The following R3HDM1 variants were observed in gnomAD, a reference collection of about 807,000 sequenced individuals.
R3HDM1 encodes R3H domain-containing protein 1.
R3HDM1 carries 46 observed loss-of-function variants against 141.1 expected under a neutral mutation model. The observed-to-expected ratio is 0.33, with a 90% CI of 0.26 to 0.42. The LOEUF (loss-of-function observed/expected upper bound fraction) is 0.42. Among genes scored for constraint, R3HDM1 ranks in the 10% least tolerant of loss-of-function variants. R3HDM1 has a pLI of 1.00. For synonymous variants in R3HDM1, 435 were observed against 472.9 expected (o/e 0.92, Z 1.04); for missense variants, 1,184 against 1,368.3 (o/e 0.87, Z 2.12).
chr2:135,656,927 C>G (rs1174542336), intron 18 of R3HDM1, among the ~76,000 whole-genome samples: 1 of 151,240 alleles, frequency 6.6e-6, no homozygotes, highest in Non-Finnish European at 1.5e-5. Flanking sequence ...AACCCCATCT[C>G]TACTAAAAAT....
chr2:135,577,124 G>A, intron 1 of R3HDM1: 4 of 967,158 alleles, frequency 4.1e-6, no homozygotes, highest in Non-Finnish European at 4.9e-6. Flanking sequence ...GAAAACCCAT[G>A]TTTTCTTATT....
intron 1 of R3HDM1, among the ~76,000 whole-genome samples, chr2:135,538,967 G>A (rs926884672): frequency 2.6e-5 from 4 of 151,938 alleles, no homozygotes; most frequent in Admixed American, 1.3e-4. Flanking sequence ...AAAATTTTTT[G>A]TTAAAAACCA....
chr2:135,547,124 A>G (rs185556696), intron 1 of R3HDM1, among the ~76,000 whole-genome samples: 1 of 152,340 alleles, frequency 6.6e-6, no homozygotes, highest in African/African-American at 2.4e-5. Context: ...ATTGTTCAGT[A>G]TGCTTGACAA....
Position 135,722,364 on chromosome 2 carries a change from G to A in R3HDM1, c.2965-105G>A, listed in dbSNP as rs894744707. On this transcript the variant is annotated intron_variant, in intron 25 of 26. Coordinates refer to ENST00000683871, the MANE Select transcript of R3HDM1 (RefSeq NM_001378107.1). ...CTGGGACTGATTTTCTTCTGCCAGA[G>A]TGCAAAACCCAAACTAAAGGTGTTT... 5.8e-6 allele frequency: 7 copies of A among 1,202,340 alleles called. No homozygotes were observed. The African/African-American group carries it at 9.1e-5, about 16-fold the overall frequency. 74.5% of individuals were successfully genotyped at this position (1,202,340 alleles called of 1,614,324 possible).
chr2:135,651,656 A>G, intron 17 of R3HDM1, 74 bp from the exon 18 acceptor site: 1 of 1,492,226 alleles, frequency 6.7e-7, no homozygotes. Flanking sequence ...ATTTAAAAAT[A>G]GGAAGTATTT....
intron 1 of R3HDM1, among the ~76,000 whole-genome samples, chr2:135,554,587 A>G (rs2104938520): frequency 6.6e-6 from 1 of 152,322 alleles, no homozygotes; most frequent in Middle Eastern, 3.4e-3. Flanking sequence ...ACTGCCAAAC[A>G]GTTTTCTAAG....
At chr2:135,682,166 A>G (rs1251355944) in intron 21 of R3HDM1, among the ~76,000 whole-genome samples, 1 of 151,210 alleles carries the variant, frequency 6.6e-6, no homozygotes, top group Non-Finnish European at 1.5e-5. Flanking sequence ...TGATTTATCT[A>G]CTTTTTGAAC....
intron 3 of R3HDM1, among the ~76,000 whole-genome samples, chr2:135,610,793 A>G (rs1423318384): frequency 1.3e-5 from 2 of 152,082 alleles, no homozygotes; most frequent in African/African-American, 2.4e-5. Flanking sequence ...AATCTTAGCT[A>G]TTTCCTGTTT....
rs1454085666 is a variant in R3HDM1 at position 135,565,323 on chromosome 2, ATTATT to A, written c.-250+33691_-250+33695del. Among the ~76,000 whole-genome samples, 7 of 68,990 alleles carry A rather than the reference ATTATT, an allele frequency of 1.0e-4. No individual in the cohort carries two copies. The African/African-American group carries it at 1.0e-3, about 10-fold the overall frequency. 45.3% of individuals were successfully genotyped at this position (68,990 alleles called of 152,430 possible). A position where few individuals can be genotyped will look rare whatever the true frequency, so the allele number is the denominator to read the frequency against. ...CTTCTGTCCTTGCCAATGAAAAAAA[ATTATT>A]ATTATTATTATTATTATTATTATTA... On this transcript the variant is annotated intron_variant, in intron 1 of 26. Transcript: ENST00000683871.
intron 3 of R3HDM1, 108 bp downstream of exon 3, chr2:135,605,124 C>G: frequency 1.0e-6 from 1 of 963,904 alleles, no homozygotes; most frequent in South Asian, 1.8e-5. Flanking sequence ...TAAGTTGACC[C>G]TTCGTGACAT....
At chr2:135,576,324 G>T (rs1462794639) in intron 1 of R3HDM1, among the ~76,000 whole-genome samples, 1 of 151,844 alleles carries the variant, frequency 6.6e-6, no homozygotes, top group Non-Finnish European at 1.5e-5. Flanking sequence ...TGCCATGATA[G>T]TGCCACTGCA....
intron 4 of R3HDM1, 132 bp from the exon 5 acceptor site, chr2:135,616,536 T>A: frequency 1.4e-6 from 1 of 727,940 alleles, no homozygotes; most frequent in African/African-American, 1.8e-5. Flanking sequence ...AATGATATAT[T>A]TAACTTGCAC....
chr2:135,581,483 C>CT (rs1417827180), intron 1 of R3HDM1: 13 of 801,594 alleles, frequency 1.6e-5, no homozygotes, highest in Non-Finnish European at 2.0e-5. Context: ...CCTCACCTGA[C>CT]TGACTAATAC....
chr2:135,556,812 C>T (rs926977662), intron 1 of R3HDM1, among the ~76,000 whole-genome samples: 1 of 152,040 alleles, frequency 6.6e-6, no homozygotes, highest in Non-Finnish European at 1.5e-5. Flanking sequence ...GCCACCGGGC[C>T]TAGCCCAAAA....
intron 18 of R3HDM1, among the ~76,000 whole-genome samples, chr2:135,654,899 TG>T: frequency 1.3e-5 from 2 of 151,378 alleles, no homozygotes; most frequent in South Asian, 2.1e-4. Flanking sequence ...TGTGTGTGTG[TG>T]TGTTTGTCTT....
At chr2:135,672,006 G>A (rs942578288) in intron 19 of R3HDM1, among the ~76,000 whole-genome samples, 1 of 151,860 alleles carries the variant, frequency 6.6e-6, no homozygotes, top group Non-Finnish European at 1.5e-5. Flanking sequence ...CAAACCATGA[G>A]AGAACAACTA....
intron 19 of R3HDM1, among the ~76,000 whole-genome samples, chr2:135,674,938 G>GT (rs113400095): frequency 0.019 from 2,411 of 124,266 alleles, 28 homozygotes; most frequent in African/African-American, 0.046. Flanking sequence ...AATAGTTGTT[G>GT]TTTTTTTTTT....
chr2:135,561,051 C>T (rs1162727385), intron 1 of R3HDM1, among the ~76,000 whole-genome samples: 1 of 152,204 alleles, frequency 6.6e-6, no homozygotes, highest in East Asian at 1.9e-4. Flanking sequence ...ACAACCAAGA[C>T]AAAAGTCTTT....
rs1243523894 is a variant in R3HDM1 at position 135,556,395 on chromosome 2, G to C, written c.-250+24762G>C. On this transcript the variant is annotated intron_variant, in intron 1 of 26. Coordinates refer to ENST00000683871, the MANE Select transcript of R3HDM1 (RefSeq NM_001378107.1). ...TGTATGGTATGTGAATAATATCTCA[G>C]TAGAGTGGTTTTTTGAAAACACTAG... 3.3e-5 allele frequency among the ~76,000 whole-genome samples: 5 copies of C among 152,252 alleles called. No individual in the cohort carries two copies. In the East Asian group the frequency reaches 9.7e-4, roughly 29 times the overall value.
Sources: gnomAD v4.1 joint callset for allele counts (sites outside exome capture counted in the v4.1 genomes callset) on GRCh38, gnomAD v4.1.1 for gene constraint, MANE v1.5 for transcripts, NCBI Gene and HGNC (gene_info 2026-07-23, HGNC 2026-07-21) for gene names.